The following UBE2D4 variants were observed in gnomAD, a reference collection of about 807,000 sequenced individuals.
UBE2D4 encodes ubiquitin-conjugating enzyme E2 D4.
A neutral mutation model predicts 23.0 loss-of-function variants in UBE2D4; 17 were observed. The ratio of observed to expected loss-of-function variants is 0.74; its 90% CI spans 0.51 to 1.11. The LOEUF (loss-of-function observed/expected upper bound fraction) is 1.11. Ranked by LOEUF, UBE2D4 falls within the 50% of genes least tolerant of loss-of-function variation. The probability of loss-of-function intolerance (pLI) is 0.00; values close to 1 mark genes in which losing one functional copy is unlikely to be tolerated. For synonymous variants in UBE2D4, 61 were observed against 69.4 expected (o/e 0.88, Z 0.60); for missense variants, 139 against 181.8 (o/e 0.76, Z 1.35).
chr7:43,948,383 G>A (rs569888473), intron 4 of UBE2D4, among the ~76,000 whole-genome samples: 39 of 152,312 alleles, frequency 2.6e-4, no homozygotes, highest in African/African-American at 9.1e-4. Flanking sequence ...TGCTTTCAGG[G>A]AGATGGTATC....
intron 1 of UBE2D4, among the ~76,000 whole-genome samples, chr7:43,927,453 C>A (rs913695735): frequency 6.6e-6 from 1 of 152,006 alleles, no homozygotes; most frequent in Admixed American, 6.6e-5. Context: ...GCTGGGACTA[C>A]ATGCCACCAT....
intron 4 of UBE2D4, 67 bp downstream of exon 4, chr7:43,943,098 A>G (rs759202044): frequency 1.3e-6 from 2 of 1,496,962 alleles, no homozygotes; most frequent in African/African-American, 2.8e-5. Flanking sequence ...GGGCCCTTCA[A>G]GTCAGGTATA....
intron 2 of UBE2D4, chr7:43,942,273 G>A: frequency 6.0e-6 from 1 of 165,916 alleles, no homozygotes. Context: ...CTATAATCAT[G>A]CCACTGCCCA....
intron 4 of UBE2D4, among the ~76,000 whole-genome samples, chr7:43,946,519 C>G (rs530316154): frequency 6.6e-6 from 1 of 152,032 alleles, no homozygotes. Flanking sequence ...GTTTGTGCTT[C>G]CTTGTTTTTC....
In UBE2D4 at chr7:43,950,603, C is replaced by G; in HGVS notation, c.309C>G (p.Leu103=). The change falls in exon 6 of 7, where the codon CTC becomes CTG. Residue 103 remains leucine, a synonymous_variant. Transcript: ENST00000222402. The part of the protein sequence containing the change: ...WSPALTVSKV[L]LSICSLLCDP... ...AACCTTTTCTTTTCTTCCCAGTTCT[C>G]TTGTCCATCTGCTCGCTGCTCTGCG... 6.2e-7 allele frequency: 1 copy of G among 1,614,170 alleles called. No individual in the cohort carries two copies. Among genetic ancestry groups the G allele is most frequent in the South Asian group, 1.1e-5 (1 of 91,090 alleles).
Position 43,945,776 on chromosome 7 carries a change from CTTT to C in UBE2D4, c.198+2767_198+2769del, listed in dbSNP as rs11339851. Among the ~76,000 whole-genome samples the C allele has an allele frequency of 1.2e-4, 10 of 84,226 alleles. No homozygotes were observed. In the East Asian group the frequency reaches 1.9e-3, roughly 16 times the overall value. 55.3% of individuals were successfully genotyped at this position (84,226 alleles called of 152,430 possible). A position where few individuals can be genotyped will look rare whatever the true frequency, so the allele number is the denominator to read the frequency against. ...AAAGCTAGCGGAGGAGGCAAAATCC[CTTT>C]TTTTTTTTTTTTTTTTTTTTTGAGA... On this transcript the variant is annotated intron_variant, in intron 4 of 6. Coordinates refer to ENST00000222402, the MANE Select transcript of UBE2D4 (RefSeq NM_015983.4).
At chr7:43,930,820 T>C (rs931454733) in intron 1 of UBE2D4, among the ~76,000 whole-genome samples, 2 of 152,118 alleles carry the variant, frequency 1.3e-5, no homozygotes, top group Admixed American at 1.3e-4. Context: ...ATACGTGTAT[T>C]AGTCCATTCT....
chr7:43,942,089 G>T (rs2095974230), intron 2 of UBE2D4: 1 of 152,856 alleles, frequency 6.5e-6, no homozygotes, highest in Non-Finnish European at 1.5e-5. Context: ...CCAGCCATGT[G>T]ATTTCAGGTG....
chr7:43,954,372 A>G lies in UBE2D4; in HGVS notation c.*1677A>G, dbSNP rs986710105. On this transcript the variant is annotated 3_prime_UTR_variant, in exon 7 of 7. Coordinates refer to ENST00000222402, the MANE Select transcript of UBE2D4 (RefSeq NM_015983.4). ...AACCTCTGCCTCCCAGGTTCAAGCAATTCTCCTGCCTCAGCCTCCCAAGTA... is the reference window on the plus strand; with the variant it reads ...AACCTCTGCCTCCCAGGTTCAAGCAGTTCTCCTGCCTCAGCCTCCCAAGTA... The G allele has an allele frequency of 2.0e-5, 3 of 147,784 alleles. No homozygotes were observed. Among genetic ancestry groups the G allele is most frequent in the Non-Finnish European group, 4.4e-5 (3 of 67,722 alleles). The allele number at this position is 147,784 out of a possible 1,614,324, so 9.2% of individuals were successfully genotyped here.
chr7:43,927,424 C>T (rs1173658941), intron 1 of UBE2D4, among the ~76,000 whole-genome samples: 1 of 151,764 alleles, frequency 6.6e-6, no homozygotes, highest in African/African-American at 2.4e-5. Flanking sequence ...GTGATCCTCC[C>T]TCCTCAGCTT....
intron 2 of UBE2D4, among the ~76,000 whole-genome samples, chr7:43,939,064 G>T (rs1287193636): frequency 6.6e-6 from 1 of 152,200 alleles, no homozygotes; most frequent in Non-Finnish European, 1.5e-5. Flanking sequence ...AAGCCAGCTT[G>T]GCCTGAGGAG....
At chr7:43,940,310 AGT>A (rs934846758) in intron 2 of UBE2D4, among the ~76,000 whole-genome samples, 4 of 152,320 alleles carry the variant, frequency 2.6e-5, no homozygotes, top group Middle Eastern at 3.4e-3. Flanking sequence ...CCCACTAATC[AGT>A]GTTTACCTCA....
intron 1 of UBE2D4, among the ~76,000 whole-genome samples, chr7:43,928,545 T>C (rs1297418079): frequency 6.6e-6 from 1 of 152,134 alleles, no homozygotes; most frequent in Non-Finnish European, 1.5e-5. Flanking sequence ...GAGATCTGTG[T>C]TCTAAAAAGA....
chr7:43,952,340 A>G, intron 6 of UBE2D4: 1 of 314,734 alleles, frequency 3.2e-6, no homozygotes, highest in Non-Finnish European at 6.2e-6. Context: ...TCCTCCCTGC[A>G]TCCATATTGT....
chr7:43,930,277 A>T (rs1190742273), intron 1 of UBE2D4, among the ~76,000 whole-genome samples: 1 of 152,158 alleles, frequency 6.6e-6, no homozygotes, highest in East Asian at 1.9e-4. Context: ...AGGAAGGCGG[A>T]TGGGTGCTGA....
At chr7:43,943,084 C>A in intron 4 of UBE2D4, 53 bp downstream of exon 4, 3 of 1,572,008 alleles carry the variant, frequency 1.9e-6, no homozygotes, top group Non-Finnish European at 2.6e-6. Context: ...CAGCATGTGA[C>A]AAGGGGCCCT....
rs774290334 is a variant in UBE2D4 at position 43,954,257 on chromosome 7, CTT to C, written c.*1589_*1590del. Reference sequence around the variant, plus strand: ...TGCATCTCACCATGTTGAGGATTGCCTTTTTTTTTTTTTTTTTTTTTTTTTTT... The same window carrying C: ...TGCATCTCACCATGTTGAGGATTGCCTTTTTTTTTTTTTTTTTTTTTTTTT... On this transcript the variant is annotated 3_prime_UTR_variant, in exon 7 of 7. Coordinates refer to ENST00000222402, the MANE Select transcript of UBE2D4 (RefSeq NM_015983.4). The C allele has an allele frequency of 0.096, 6,734 of 70,308 alleles. 492 individuals are homozygous for C. Among genetic ancestry groups the C allele is most frequent in the African/African-American group, 0.2 (3,045 of 15,524 alleles). The allele number at this position is 70,308 out of a possible 1,614,324, so 4.4% of individuals were successfully genotyped here. A position where few individuals can be genotyped will look rare whatever the true frequency, so the allele number is the denominator to read the frequency against.
intron 1 of UBE2D4, among the ~76,000 whole-genome samples, chr7:43,935,344 A>G (rs899414679): frequency 6.6e-5 from 10 of 152,168 alleles, no homozygotes; most frequent in Non-Finnish European, 1.3e-4. Flanking sequence ...AGTATATTCT[A>G]ACCCAAAATA....
At chr7:43,939,548 A>G (rs1263350772) in intron 2 of UBE2D4, among the ~76,000 whole-genome samples, 20 of 152,184 alleles carry the variant, frequency 1.3e-4, no homozygotes. Context: ...GGGAGATACT[A>G]TGTGTTCAAG....
Sources: allele counts gnomAD v4.1 joint callset (sites outside exome capture counted in the v4.1 genomes callset), GRCh38; gene constraint gnomAD v4.1.1; transcripts MANE v1.5; gene names NCBI Gene and HGNC (gene_info 2026-07-23, HGNC 2026-07-21).